PCDH15: variants seen among roughly 807,000 people sequenced by gnomAD.
PCDH15 encodes protocadherin-15.
PCDH15 carries 129 observed loss-of-function variants against 178.5 expected under a neutral mutation model. The observed-to-expected ratio is 0.72, with a 90% CI of 0.63 to 0.84. The LOEUF is 0.84. Ranked by LOEUF, PCDH15 falls within the 40% of genes least tolerant of loss-of-function variation. The pLI, the probability that PCDH15 is intolerant of heterozygous loss-of-function variation, is 0.00. For synonymous variants in PCDH15, 800 were observed against 732.0 expected (o/e 1.09, Z -1.50); for missense variants, 2,230 against 2,099.9 (o/e 1.06, Z -1.21).
At chr10:55,278,006 T>A (rs1307509047) in intron 1 of PCDH15, among the ~76,000 whole-genome samples, 1 of 152,154 alleles carries the variant, frequency 6.6e-6, no homozygotes, top group African/African-American at 2.4e-5. Context: ...GAATATAATT[T>A]TTGAGCATTA....
At chr10:53,981,926 A>G (rs1467523006) in intron 21 of PCDH15, among the ~76,000 whole-genome samples, 6 of 151,698 alleles carry the variant, frequency 4.0e-5, no homozygotes. Context: ...CTCATCTGAC[A>G]AAGGGCTAAT....
chr10:54,680,657 C>A (rs1309728843), intron 1 of PCDH15, among the ~76,000 whole-genome samples: 2 of 152,048 alleles, frequency 1.3e-5, no homozygotes, highest in Non-Finnish European at 2.9e-5. Context: ...CCATACTGTT[C>A]TTGTGATAGT....
chr10:54,181,352 A>G (rs1254181592), intron 13 of PCDH15, among the ~76,000 whole-genome samples: 1 of 152,208 alleles, frequency 6.6e-6, no homozygotes, highest in South Asian at 2.1e-4. Context: ...TCAAATAAGC[A>G]TTTATTAAGT....
intron 27 of PCDH15, among the ~76,000 whole-genome samples, chr10:53,864,152 G>T (rs1400629251): frequency 1.3e-5 from 2 of 152,070 alleles, no homozygotes; most frequent in East Asian, 1.9e-4. Flanking sequence ...GGGTCTGGAG[G>T]CAGGGAACCT....
intron 10 of PCDH15, among the ~76,000 whole-genome samples, chr10:54,203,888 C>G (rs2050509424): frequency 6.6e-6 from 1 of 152,120 alleles, no homozygotes; most frequent in Non-Finnish European, 1.5e-5. Flanking sequence ...TTAAATTCAA[C>G]TCTCAAGTAG....
At chr10:54,463,981 G>C (rs1020729917) in intron 3 of PCDH15, among the ~76,000 whole-genome samples, 11 of 152,290 alleles carry the variant, frequency 7.2e-5, no homozygotes, top group African/African-American at 2.6e-4. Context: ...AATAATAGGC[G>C]TTTGGATGTA....
intron 13 of PCDH15, among the ~76,000 whole-genome samples, chr10:54,177,968 T>C (rs930691219): frequency 5.3e-5 from 8 of 152,022 alleles, no homozygotes; most frequent in African/African-American, 1.7e-4. Flanking sequence ...GCATTTAACT[T>C]TGGGAGACAA....
chr10:53,877,396 G>A (rs1234631067), intron 26 of PCDH15, among the ~76,000 whole-genome samples: 1 of 152,120 alleles, frequency 6.6e-6, no homozygotes, highest in African/African-American at 2.4e-5. Flanking sequence ...TACTTGAGAG[G>A]AAACACTAGT....
At chr10:54,359,914 G>A (rs1945729075) in intron 5 of PCDH15, among the ~76,000 whole-genome samples, 1 of 152,026 alleles carries the variant, frequency 6.6e-6, no homozygotes, top group Non-Finnish European at 1.5e-5. Flanking sequence ...CATGTTAGGA[G>A]AAACAAGCAT....
chr10:53,996,044 AT>A (rs1427162866), intron 20 of PCDH15, among the ~76,000 whole-genome samples: 1 of 152,108 alleles, frequency 6.6e-6, no homozygotes, highest in Non-Finnish European at 1.5e-5. Flanking sequence ...TGACCCTGGA[AT>A]TTTTTTCTAA....
At chr10:54,737,022 C>T (rs534573752) in intron 1 of PCDH15, among the ~76,000 whole-genome samples, 4 of 152,254 alleles carry the variant, frequency 2.6e-5, no homozygotes, top group African/African-American at 9.6e-5. Flanking sequence ...GCACTACCTT[C>T]CTGTACAAAT....
intron 2 of PCDH15, among the ~76,000 whole-genome samples, chr10:55,053,156 T>C (rs1841208445): frequency 6.6e-6 from 1 of 152,172 alleles, no homozygotes; most frequent in Non-Finnish European, 1.5e-5. Context: ...CCTACAAGAT[T>C]AAAAAAATCT....
intron 2 of PCDH15, among the ~76,000 whole-genome samples, chr10:55,622,047 A>G (rs1240846054): frequency 1.4e-5 from 2 of 139,980 alleles, no homozygotes; most frequent in East Asian, 3.9e-4. Flanking sequence ...TAATATATAT[A>G]TAAATTGTAT....
intron 2 of PCDH15, among the ~76,000 whole-genome samples, chr10:54,975,373 T>C (rs1414530029): frequency 6.6e-6 from 1 of 152,196 alleles, no homozygotes; most frequent in Non-Finnish European, 1.5e-5. Flanking sequence ...TGTGTATGCA[T>C]AGTCTAGAAG....
intron 2 of PCDH15, among the ~76,000 whole-genome samples, chr10:55,583,793 TCAC>T (rs893723624): frequency 6.6e-5 from 10 of 152,290 alleles, no homozygotes; most frequent in African/African-American, 2.4e-4. Context: ...TGCAATCTTT[TCAC>T]CACTTTTATA....
intron 2 of PCDH15, among the ~76,000 whole-genome samples, chr10:55,480,182 G>C (rs1840149252): frequency 6.6e-6 from 1 of 151,418 alleles, no homozygotes; most frequent in South Asian, 2.1e-4. Context: ...TTTTACCAGA[G>C]ATTTGCAGTT....
chr10:54,252,307 C>A (rs560184887), intron 8 of PCDH15, among the ~76,000 whole-genome samples: 10 of 152,262 alleles, frequency 6.6e-5, no homozygotes, highest in African/African-American at 2.4e-4. Context: ...AGCTGCCTGA[C>A]ATTTCAATTC....
intron 15 of PCDH15, among the ~76,000 whole-genome samples, chr10:54,100,523 G>A (rs964839936): frequency 6.6e-6 from 1 of 152,092 alleles, no homozygotes; most frequent in African/African-American, 2.4e-5. Context: ...ACATCATTCT[G>A]ATACTCAGAT....
chr10:54,410,455 G>A (rs766069690), intron 3 of PCDH15, among the ~76,000 whole-genome samples: 1 of 152,098 alleles, frequency 6.6e-6, no homozygotes, highest in South Asian at 2.1e-4. Context: ...GGGGTTCAAA[G>A]GCAATTGTGT....
Sources: gnomAD v4.1 joint callset for allele counts (sites outside exome capture counted in the v4.1 genomes callset) on GRCh38, gnomAD v4.1.1 for gene constraint, MANE v1.5 for transcripts, NCBI Gene and HGNC (gene_info 2026-07-23, HGNC 2026-07-21) for gene names.